Variants in PRDM5 observed in about 807,000 individuals in gnomAD.
PRDM5 encodes the protein PR domain zinc finger protein 5.
Under a neutral mutation model 81.2 loss-of-function variants are expected in PRDM5, and 56 were observed. That is an observed-to-expected ratio of 0.69 (90% CI 0.56 to 0.86). The LOEUF (loss-of-function observed/expected upper bound fraction) is 0.86, where lower values mean the gene tolerates loss of function less well. Among genes scored for constraint, PRDM5 ranks in the 40% least tolerant of loss-of-function variants. PRDM5 has a pLI of 0.00. For synonymous variants in PRDM5, 267 were observed against 256.4 expected (o/e 1.04, Z -0.39); for missense variants, 697 against 770.1 (o/e 0.91, Z 1.12).
intron 2 of PRDM5, among the ~76,000 whole-genome samples, chr4:120,863,906 G>C (rs780665559): frequency 1.2e-4 from 18 of 152,158 alleles, no homozygotes; most frequent in Non-Finnish European, 2.5e-4. Flanking sequence ...AGTTAGTCAA[G>C]GACAATAGGA....
chr4:120,881,442 T>C (rs1356587129), intron 2 of PRDM5, among the ~76,000 whole-genome samples: 1 of 152,232 alleles, frequency 6.6e-6, no homozygotes, highest in African/African-American at 2.4e-5. Flanking sequence ...ATGACATTTT[T>C]CACAGAGTCT....
chr4:120,741,208 CT>C (rs1053533314), intron 14 of PRDM5, among the ~76,000 whole-genome samples: 1 of 152,148 alleles, frequency 6.6e-6, no homozygotes, highest in African/African-American at 2.4e-5. Context: ...TCAACCAACG[CT>C]GCATATCCTC....
intron 2 of PRDM5, among the ~76,000 whole-genome samples, chr4:120,888,864 G>A (rs1490695024): frequency 6.6e-6 from 1 of 152,082 alleles, no homozygotes; most frequent in Non-Finnish European, 1.5e-5. Context: ...ATCTTTTCAT[G>A]TTCATTGGCC....
chr4:120,824,356 C>T (rs1029286596), intron 3 of PRDM5, among the ~76,000 whole-genome samples: 14 of 152,282 alleles, frequency 9.2e-5, no homozygotes, highest in African/African-American at 3.4e-4. Context: ...TGAGCACAGT[C>T]CCTCCTGGAC....
At chr4:120,897,246 G>A (rs937010460) in intron 2 of PRDM5, among the ~76,000 whole-genome samples, 2 of 151,744 alleles carry the variant, frequency 1.3e-5, no homozygotes, top group Non-Finnish European at 2.9e-5. Context: ...ATTTTTACTG[G>A]ATAAAGCATT....
Position 120,818,539 on chromosome 4 carries a change from C to T in PRDM5, c.476-12G>A. 6.2e-7 allele frequency: 1 copy of T among 1,609,104 alleles called. No homozygotes were observed. Among genetic ancestry groups the T allele is most frequent in the Non-Finnish European group, 8.5e-7 (1 of 1,175,558 alleles). On this transcript the variant is annotated splice_polypyrimidine_tract_variant and intron_variant, in intron 4 of 15. Coordinates refer to ENST00000264808, the MANE Select transcript of PRDM5 (RefSeq NM_018699.4). Reference sequence around the variant, plus strand: ...ACAGCCAAGGCGATCTGCACATTCACAAGGAAACATATTCATGAGACAAAA... The same window carrying T: ...ACAGCCAAGGCGATCTGCACATTCATAAGGAAACATATTCATGAGACAAAA...
intron 14 of PRDM5, among the ~76,000 whole-genome samples, chr4:120,742,707 A>G (rs1160666541): frequency 1.3e-5 from 2 of 152,212 alleles, no homozygotes; most frequent in Non-Finnish European, 2.9e-5. Flanking sequence ...AATGAAATGA[A>G]GCGAGAAGGA....
intron 8 of PRDM5, among the ~76,000 whole-genome samples, chr4:120,804,495 ACTAT>A (rs1204938202): frequency 6.6e-6 from 1 of 152,200 alleles, no homozygotes; most frequent in Non-Finnish European, 1.5e-5. Context: ...ATTATAACAA[ACTAT>A]CTATCAGATC....
At chr4:120,705,092 A>G (rs1400362549) in intron 15 of PRDM5, among the ~76,000 whole-genome samples, 7 of 152,234 alleles carry the variant, frequency 4.6e-5, no homozygotes, top group African/African-American at 1.2e-4. Flanking sequence ...TAATTCAGTT[A>G]GCAAGCAAGA....
chr4:120,816,721 C>T (rs1754566180), intron 6 of PRDM5, 111 bp downstream of exon 6: 1 of 1,514,142 alleles, frequency 6.6e-7, no homozygotes, highest in South Asian at 1.1e-5. Flanking sequence ...AGAAGAAAAG[C>T]ATTTAAATTC....
intron 4 of PRDM5, among the ~76,000 whole-genome samples, chr4:120,820,892 G>A (rs1194137320): frequency 6.6e-6 from 1 of 152,176 alleles, no homozygotes; most frequent in Non-Finnish European, 1.5e-5. Flanking sequence ...ACCCCAATGC[G>A]CCAGTGAGAG....
chr4:120,895,310 T>C (rs1333148457), intron 2 of PRDM5, among the ~76,000 whole-genome samples: 2 of 152,144 alleles, frequency 1.3e-5, no homozygotes, highest in Non-Finnish European at 2.9e-5. Context: ...TTTTCCACTG[T>C]ATTTTGCTCA....
At chr4:120,807,611 G>A (rs764002584) in intron 8 of PRDM5, among the ~76,000 whole-genome samples, 12 of 152,164 alleles carry the variant, frequency 7.9e-5, no homozygotes, top group Non-Finnish European at 1.0e-4. Context: ...CTATGTGTCC[G>A]GAATTGGTGG....
chr4:120,891,602 GT>G (rs1183404322), intron 2 of PRDM5, among the ~76,000 whole-genome samples: 1 of 152,024 alleles, frequency 6.6e-6, no homozygotes, highest in Non-Finnish European at 1.5e-5. Context: ...TGTTTCTCTA[GT>G]TTTTCTAGAT....
At chr4:120,817,081 G>A (rs1754620756) in intron 5 of PRDM5, among the ~76,000 whole-genome samples, 157 bp from the exon 6 acceptor site, 1 of 152,082 alleles carries the variant, frequency 6.6e-6, no homozygotes, top group Admixed American at 6.6e-5. Context: ...TTAACTATAA[G>A]CTCTTGCTCA....
intron 13 of PRDM5, among the ~76,000 whole-genome samples, chr4:120,773,993 T>C (rs1578679239): frequency 6.6e-6 from 1 of 152,366 alleles, no homozygotes; most frequent in East Asian, 1.9e-4. Flanking sequence ...GGTAATATTG[T>C]TACTTTTAGT....
chr4:120,833,551 C>T (rs1195830705), intron 3 of PRDM5, among the ~76,000 whole-genome samples: 3 of 152,102 alleles, frequency 2.0e-5, no homozygotes, highest in Admixed American at 2.0e-4. Context: ...AGATTGATAA[C>T]ATCTATGCTA....
chr4:120,795,995 A>G (rs1279968784), intron 10 of PRDM5, among the ~76,000 whole-genome samples: 1 of 152,234 alleles, frequency 6.6e-6, no homozygotes, highest in East Asian at 1.9e-4. Context: ...TCTAAATGTT[A>G]AGAACCAACC....
intron 3 of PRDM5, among the ~76,000 whole-genome samples, chr4:120,824,725 C>T (rs1755733921): frequency 6.6e-6 from 1 of 151,820 alleles, no homozygotes; most frequent in Admixed American, 6.6e-5. Context: ...AAAAAGTCAC[C>T]ATAGCCTACT....
Sources: gnomAD v4.1 joint callset for allele counts (sites outside exome capture counted in the v4.1 genomes callset) on GRCh38, gnomAD v4.1.1 for gene constraint, MANE v1.5 for transcripts, NCBI Gene and HGNC (gene_info 2026-07-23, HGNC 2026-07-21) for gene names.